NEGR1: variants seen among roughly 807,000 people sequenced by gnomAD.
NEGR1 encodes IgLON family member 4.
Under a neutral mutation model 40.9 loss-of-function variants are expected in NEGR1, and 10 were observed. The observed-to-expected ratio is 0.24, with a 90% CI of 0.15 to 0.42. NEGR1 has a LOEUF of 0.42. Ranked by LOEUF, NEGR1 falls within the 10% of genes least tolerant of loss-of-function variation. The pLI, the probability that NEGR1 is intolerant of heterozygous loss-of-function variation, is 1.00. For synonymous variants in NEGR1, 185 were observed against 166.8 expected (o/e 1.11, Z -0.84); for missense variants, 352 against 438.9 (o/e 0.80, Z 1.77).
At chr1:71,827,279 T>C (rs1461778954) in intron 2 of NEGR1, among the ~76,000 whole-genome samples, 1 of 151,812 alleles carries the variant, frequency 6.6e-6, no homozygotes, top group Non-Finnish European at 1.5e-5. Flanking sequence ...TACCAAGAGA[T>C]AGAAACAATC....
At chr1:71,800,403 C>T (rs926981503) in intron 2 of NEGR1, among the ~76,000 whole-genome samples, 1 of 151,978 alleles carries the variant, frequency 6.6e-6, no homozygotes, top group South Asian at 2.1e-4. Flanking sequence ...ATTGGTGTTT[C>T]GATCATGAAG....
chr1:71,609,008 T>C (rs1650157064), intron 5 of NEGR1, among the ~76,000 whole-genome samples: 1 of 152,120 alleles, frequency 6.6e-6, no homozygotes, highest in Non-Finnish European at 1.5e-5. Context: ...AGATGTACAA[T>C]ATTGTAGGGT....
intron 2 of NEGR1, among the ~76,000 whole-genome samples, chr1:71,870,288 C>A (rs1481025490): frequency 6.6e-6 from 1 of 152,102 alleles, no homozygotes; most frequent in Non-Finnish European, 1.5e-5. Context: ...GTAGTATTGA[C>A]AAAGACCTGC....
chr1:71,512,953 T>C (rs1647086521), intron 6 of NEGR1, among the ~76,000 whole-genome samples: 6 of 152,270 alleles, frequency 3.9e-5, no homozygotes, highest in Admixed American at 3.3e-4. Flanking sequence ...GTAATATATT[T>C]ACATTAATTA....
chr1:71,985,283 A>G (rs1485896300), intron 1 of NEGR1, among the ~76,000 whole-genome samples: 1 of 152,256 alleles, frequency 6.6e-6, no homozygotes, highest in Non-Finnish European at 1.5e-5. Context: ...ATGTAAAAAT[A>G]TGAAGATACG....
intron 6 of NEGR1, among the ~76,000 whole-genome samples, chr1:71,508,080 C>A (rs1178683427): frequency 6.6e-6 from 1 of 152,030 alleles, no homozygotes; most frequent in Non-Finnish European, 1.5e-5. Context: ...ATATACTGGC[C>A]CATATCCTCC....
chr1:72,066,733 C>T (rs1481404324), intron 1 of NEGR1, among the ~76,000 whole-genome samples: 1 of 152,058 alleles, frequency 6.6e-6, no homozygotes, highest in Non-Finnish European at 1.5e-5. Flanking sequence ...CCACTGCCGG[C>T]ACCTTGATCT....
At chr1:71,632,705 T>C (rs1219513053) in intron 4 of NEGR1, among the ~76,000 whole-genome samples, 1 of 151,954 alleles carries the variant, frequency 6.6e-6, no homozygotes, top group East Asian at 1.9e-4. Flanking sequence ...TTCTCTAAAT[T>C]ACAAAACATT....
intron 6 of NEGR1, among the ~76,000 whole-genome samples, chr1:71,552,542 T>C (rs1182862203): frequency 1.4e-5 from 2 of 147,936 alleles, no homozygotes; most frequent in Non-Finnish European, 1.5e-5. Context: ...ATATAGGATA[T>C]AGTCTATATA....
chr1:72,079,124 T>C (rs891449074), intron 1 of NEGR1, among the ~76,000 whole-genome samples: 7 of 147,166 alleles, frequency 4.8e-5, no homozygotes, highest in African/African-American at 1.5e-4. Context: ...ATTATATACA[T>C]AATCTCTCCA....
Position 71,770,666 on chromosome 1 carries a change from G to A in NEGR1, c.535+5506C>T, listed in dbSNP as rs190411297. 6.2e-4 allele frequency among the ~76,000 whole-genome samples: 94 copies of A among 152,260 alleles called. 2 individuals are homozygous for A. Among genetic ancestry groups the A allele is most frequent in the Non-Finnish European group, 2.2e-4 (15 of 68,016 alleles). ...AGGACACAGGAGACCGATTTGGTGTGACTCCTAATGGTCAAACTGAAGACA... is the reference window on the plus strand; with the variant it reads ...AGGACACAGGAGACCGATTTGGTGTAACTCCTAATGGTCAAACTGAAGACA... On this transcript the variant is annotated intron_variant, in intron 3 of 6. Coordinates refer to ENST00000357731, the MANE Select transcript of NEGR1 (RefSeq NM_173808.3).
chr1:72,245,054 G>C (rs1208998616), intron 1 of NEGR1, among the ~76,000 whole-genome samples: 1 of 151,954 alleles, frequency 6.6e-6, no homozygotes, highest in Non-Finnish European at 1.5e-5. Context: ...AGAAGAGAGA[G>C]CATTGCCTTT....
chr1:71,548,877 A>G (rs763086299), intron 6 of NEGR1, among the ~76,000 whole-genome samples: 3 of 151,722 alleles, frequency 2.0e-5, no homozygotes, highest in Non-Finnish European at 4.4e-5. Context: ...GTAGAGCTGA[A>G]TAACATGAGC....
chr1:72,209,589 T>A (rs777401167), intron 1 of NEGR1, among the ~76,000 whole-genome samples: 11 of 151,892 alleles, frequency 7.2e-5, no homozygotes, highest in Non-Finnish European at 1.3e-4. Context: ...AAATATTTTC[T>A]AAATTTCGAC....
chr1:72,198,877 T>C (rs933218906), intron 1 of NEGR1, among the ~76,000 whole-genome samples: 3 of 152,032 alleles, frequency 2.0e-5, no homozygotes, highest in Non-Finnish European at 2.9e-5. Flanking sequence ...CAAATATCAA[T>C]TGAATATATT....
intron 2 of NEGR1, among the ~76,000 whole-genome samples, chr1:71,843,316 A>C (rs1360152432): frequency 2.0e-5 from 3 of 152,176 alleles, no homozygotes; most frequent in Non-Finnish European, 2.9e-5. Flanking sequence ...CAGAACATTA[A>C]ATTGAAAGGC....
intron 2 of NEGR1, among the ~76,000 whole-genome samples, chr1:71,780,040 C>CAAAAAAAAAAAAAAAAAAAAAAAA (rs57576840): frequency 2.0e-5 from 2 of 99,736 alleles, no homozygotes; most frequent in Non-Finnish European, 3.6e-5. Flanking sequence ...ATAGGAAAAC[C>CAAAAAAAAAAAAAAAAAAAAAAAA]AAAAAAAAAA....
intron 1 of NEGR1, among the ~76,000 whole-genome samples, chr1:72,127,249 C>T (rs540369420): frequency 6.6e-6 from 1 of 151,820 alleles, no homozygotes; most frequent in Non-Finnish European, 1.5e-5. Context: ...AAGATCACGA[C>T]GTCAGGAGAT....
intron 1 of NEGR1, among the ~76,000 whole-genome samples, chr1:72,172,210 AT>A (rs1428085971): frequency 3.8e-4 from 58 of 152,252 alleles, no homozygotes; most frequent in African/African-American, 1.3e-3. Context: ...CCGAAATAGA[AT>A]TTCTTCCACC....
Sources: gnomAD v4.1 joint callset for allele counts (sites outside exome capture counted in the v4.1 genomes callset) on GRCh38, gnomAD v4.1.1 for gene constraint, MANE v1.5 for transcripts, NCBI Gene and HGNC (gene_info 2026-07-23, HGNC 2026-07-21) for gene names.